Variants in DCAF8L2 observed in about 807,000 individuals in gnomAD.
DCAF8L2 encodes DDB1 and CUL4 associated factor 8 like 2, also known as DDB1- and CUL4-associated factor 8-like protein 2.
For synonymous variants in DCAF8L2, 200 were observed against 190.9 expected, an observed-to-expected ratio of 1.05 and a Z score of -0.39; for missense variants, 430 against 490.7, an observed-to-expected ratio of 0.88 and a Z score of 1.17.
chrX:27,700,176 A>G (rs931469167), intron 3 of DCAF8L2, among the ~76,000 whole-genome samples: 2 of 111,498 alleles, frequency 1.8e-5, no homozygotes, highest in African/African-American at 6.5e-5. Context: ...CCTTGGATCA[A>G]CCCATCCAAT....
At chrX:27,503,311 A>G in the DCAF8L2 span, among the ~76,000 whole-genome samples, 12 of 111,315 alleles carry the variant, frequency 1.1e-4, no homozygotes, top group African/African-American at 3.9e-4. Context: ...GTGATGCCCA[A>G]TTTATCCATT....
the DCAF8L2 span, among the ~76,000 whole-genome samples, chrX:27,502,317 TAA>T: frequency 0.02 from 284 of 13,928 alleles, 19 homozygotes; most frequent in Non-Finnish European, 0.025. Flanking sequence ...TGAAACTCTG[TAA>T]AAAAAAAAAA....
chrX:27,664,194 C>G (rs1237284880), intron 2 of DCAF8L2, among the ~76,000 whole-genome samples: 1 of 110,885 alleles, frequency 9.0e-6, no homozygotes, highest in Non-Finnish European at 1.9e-5. Context: ...GTTGTAAATG[C>G]AAGGGAACAG....
chrX:27,639,449 G>A (rs1425252684), intron 2 of DCAF8L2, among the ~76,000 whole-genome samples: 2 of 111,754 alleles, frequency 1.8e-5, no homozygotes, highest in African/African-American at 6.5e-5. Context: ...TGGATTGTTT[G>A]TAACTCAAAG....
chrX:27,693,698 A>C (rs1162452849), intron 3 of DCAF8L2, among the ~76,000 whole-genome samples: 1 of 112,069 alleles, frequency 8.9e-6, no homozygotes, highest in Non-Finnish European at 1.9e-5. Context: ...TATTATTAAA[A>C]AGTTAAAAAA....
At chrX:27,734,923 T>C (rs1197983153) in intron 4 of DCAF8L2, among the ~76,000 whole-genome samples, 4 of 111,834 alleles carry the variant, frequency 3.6e-5, no homozygotes, top group African/African-American at 1.3e-4. Context: ...TTTTCTTAAA[T>C]GGTACAATTT....
At chrX:27,713,610 T>C (rs1022011048) in intron 3 of DCAF8L2, among the ~76,000 whole-genome samples, 2 of 111,888 alleles carry the variant, frequency 1.8e-5, no homozygotes, top group Non-Finnish European at 3.8e-5. Flanking sequence ...ACATTGTTTA[T>C]TTGCTGGCAG....
the DCAF8L2 span, among the ~76,000 whole-genome samples, chrX:27,522,130 C>G: frequency 8.9e-6 from 1 of 112,148 alleles, no homozygotes; most frequent in East Asian, 2.8e-4. Flanking sequence ...TGGCTTCAAG[C>G]AATTCTCCTG....
intron 2 of DCAF8L2, among the ~76,000 whole-genome samples, chrX:27,639,046 T>G (rs758964831): frequency 1.8e-5 from 2 of 112,236 alleles, no homozygotes; most frequent in East Asian, 5.6e-4. Flanking sequence ...TTAATTAGTC[T>G]TGAACTTATA....
At chrX:27,628,587 A>G (rs1377052924) in intron 1 of DCAF8L2, among the ~76,000 whole-genome samples, 2 of 103,754 alleles carry the variant, frequency 1.9e-5, no homozygotes, top group Non-Finnish European at 3.9e-5. Flanking sequence ...ACCCTTGCCA[A>G]CACTTGTTGG....
chrX:27,491,721 C>G, the DCAF8L2 span, among the ~76,000 whole-genome samples: 20,423 of 110,717 alleles, frequency 0.18, 1,642 homozygotes, highest in East Asian at 0.36. Context: ...ATTCCATGCA[C>G]TTAGATGATC....
chrX:27,499,653 C>T, the DCAF8L2 span, among the ~76,000 whole-genome samples: 2 of 111,194 alleles, frequency 1.8e-5, no homozygotes, highest in African/African-American at 6.5e-5. Flanking sequence ...GCCTTCTTCA[C>T]ATGGCGAAGC....
chrX:27,528,023 ATT>A, the DCAF8L2 span, among the ~76,000 whole-genome samples: 1 of 40,087 alleles, frequency 2.5e-5, no homozygotes, highest in Admixed American at 4.4e-4. Flanking sequence ...TTAATTAATT[ATT>A]AAATTAAATT....
chrX:27,591,881 T>G (rs1926106334), intron 1 of DCAF8L2, among the ~76,000 whole-genome samples: 1 of 112,409 alleles, frequency 8.9e-6, no homozygotes, highest in Admixed American at 9.4e-5. Flanking sequence ...TCAACATAGC[T>G]TAAATCCTAA....
Position 27,747,860 on chromosome X carries a change from A to T in DCAF8L2, c.965A>T (p.His322Leu). 1 of 1,210,460 alleles carries T rather than the reference A, an allele frequency of 8.3e-7. No individual in the cohort carries two copies. Among genetic ancestry groups the T allele is most frequent in the Non-Finnish European group, 1.1e-6 (1 of 894,536 alleles). Residue 322 changes from histidine to leucine, a missense_variant, in exon 5 of 5, where the codon CAC (histidine) becomes CTC (leucine). Coordinates refer to ENST00000451261, the MANE Select transcript of DCAF8L2 (RefSeq NM_001353450.2). ...GTGGCCCAGCACAGGGGACCTGCCC[A>T]CAAGTTGGCTCTGGAGCCTGACTCT... Reference protein sequence around the residue: ...KCVAQHRGPAHKLALEPDSPY... With the variant: ...KCVAQHRGPALKLALEPDSPY...
intron 2 of DCAF8L2, among the ~76,000 whole-genome samples, chrX:27,658,188 T>C (rs1929422757): frequency 8.9e-6 from 1 of 112,580 alleles, no homozygotes; most frequent in Non-Finnish European, 1.9e-5. Flanking sequence ...TAATTTTAAA[T>C]TATTTTCATA....
At chrX:27,556,512 C>A in the DCAF8L2 span, among the ~76,000 whole-genome samples, 1 of 111,741 alleles carries the variant, frequency 8.9e-6, no homozygotes, top group Non-Finnish European at 1.9e-5. Context: ...GAAAAATGGT[C>A]TAGTTGTTTG....
chrX:27,701,213 A>G (rs1931118150), intron 3 of DCAF8L2, among the ~76,000 whole-genome samples: 1 of 111,527 alleles, frequency 9.0e-6, no homozygotes, highest in South Asian at 3.7e-4. Context: ...AAAGAGTCCA[A>G]AGAAACAATG....
At chrX:27,746,595 A>G (rs766162863) in intron 4 of DCAF8L2, among the ~76,000 whole-genome samples, 1 of 111,758 alleles carries the variant, frequency 8.9e-6, no homozygotes, top group Non-Finnish European at 1.9e-5. Flanking sequence ...ACCCGCAGCT[A>G]CTCACAGTGT....
Sources: allele counts gnomAD v4.1 joint callset (sites outside exome capture counted in the v4.1 genomes callset), GRCh38; gene constraint gnomAD v4.1.1; transcripts MANE v1.5; gene names NCBI Gene and HGNC (gene_info 2026-07-23, HGNC 2026-07-21).